The following PXN variants were observed in gnomAD, a reference collection of about 807,000 sequenced individuals.
PXN encodes the protein paxillin.
Under a neutral mutation model 103.6 loss-of-function variants are expected in PXN, and 61 were observed. That is an observed-to-expected ratio of 0.59 (90% CI 0.48 to 0.73). PXN has a LOEUF of 0.73. PXN is among the 30% of genes least tolerant of loss of function. The pLI, the probability that PXN is intolerant of heterozygous loss-of-function variation, is 0.00. For synonymous variants in PXN, 562 were observed against 607.8 expected (o/e 0.92, Z 1.11); for missense variants, 1,274 against 1,460.3 (o/e 0.87, Z 2.08).
rs1175097305 is a variant in PXN at position 120,213,813 on chromosome 12, C to T, written c.2979+29G>A. The T allele has an allele frequency of 1.2e-6, 2 of 1,600,780 alleles. No homozygotes were observed. Among genetic ancestry groups the T allele is most frequent in the African/African-American group, 2.7e-5 (2 of 74,734 alleles). Reference sequence around the variant, plus strand: ...TCTCTCCCCACTGCCTGCTCCTCGCCCCTCCAGATGTGGTCAGGGGCTCCT... The same window carrying T: ...TCTCTCCCCACTGCCTGCTCCTCGCTCCTCCAGATGTGGTCAGGGGCTCCT... On this transcript the variant is annotated intron_variant, in intron 14 of 14. Transcript: ENST00000637617. The surrounding 1 kb of genome is among the most constrained non-coding windows in gnomAD (Gnocchi z 4.2).
At chr12:120,236,757 G>C (rs1052812432) in intron 1 of PXN, among the ~76,000 whole-genome samples, 12 of 152,010 alleles carry the variant, frequency 7.9e-5, no homozygotes, top group Non-Finnish European at 1.8e-4. Context: ...TTACAGGTGT[G>C]AGCCACTGTG....
intron 1 of PXN, among the ~76,000 whole-genome samples, chr12:120,241,366 G>A (rs903739045): frequency 6.6e-6 from 1 of 152,172 alleles, no homozygotes; most frequent in Admixed American, 6.5e-5. Flanking sequence ...CCCAGTTCAG[G>A]AGGCACAAAA....
In PXN at chr12:120,242,506, A is replaced by G. The variant is rs567315596; in HGVS notation, c.14-18129T>C. Among the ~76,000 whole-genome samples, 446 of 152,312 alleles carry G rather than the reference A, an allele frequency of 2.9e-3. 1 individual carries two copies. The highest frequency in any genetic ancestry group is 0.01 in the African/African-American group (430 of 41,576). ...GCCAGAGGGCCCAGGACACAATCTC[A>G]GGCCTCAAACCCTCATGGAAATGCC... On this transcript the variant is annotated intron_variant, in intron 1 of 14. Transcript: ENST00000637617.
chr12:120,216,805 C>T lies in PXN; in HGVS notation c.1992+36G>A. The T allele has an allele frequency of 6.4e-7, 1 of 1,564,506 alleles. No individual in the cohort carries two copies. Among genetic ancestry groups the T allele is most frequent in the Non-Finnish European group, 8.6e-7 (1 of 1,168,372 alleles). ...GAACCCGGACCCCAGGTGCTTGGCT[C>T]TGGCCCAGCCCCAGCCATGGGCATC... On this transcript the variant is annotated intron_variant, in intron 8 of 14. Transcript: ENST00000637617. The surrounding 1 kb of genome is among the most constrained non-coding windows in gnomAD (Gnocchi z 5.1).
At position 120,224,036 on chromosome 12, in the gene PXN, G is replaced by A. The variant is rs530656289; in HGVS notation, c.240+115C>T. ...GAGTGGGAAGAGCAGTGTCTGGTTGGGAAGGGTCGACTGCCCCAATTCCAT... is the reference window on the plus strand; with the variant it reads ...GAGTGGGAAGAGCAGTGTCTGGTTGAGAAGGGTCGACTGCCCCAATTCCAT... On this transcript the variant is annotated intron_variant, in intron 2 of 14. Transcript: ENST00000637617. The surrounding 1 kb of genome is among the most constrained non-coding windows in gnomAD (Gnocchi z 5.0). 7 of 902,678 alleles carry A rather than the reference G, an allele frequency of 7.8e-6. No individual in the cohort carries two copies. In the African/African-American group the frequency reaches 8.4e-5, roughly 11 times the overall value. 55.9% of individuals were successfully genotyped at this position (902,678 alleles called of 1,614,324 possible).
intron 1 of PXN, among the ~76,000 whole-genome samples, chr12:120,239,462 G>C (rs983915940): frequency 6.6e-6 from 1 of 152,024 alleles, no homozygotes; most frequent in East Asian, 1.9e-4. Context: ...CATGCCTGTA[G>C]TCCCAGCTAC....
chr12:120,221,668 G>A lies in PXN; in HGVS notation c.786C>T (p.Ala262=), dbSNP rs1354924906. Residue 262 remains alanine, a synonymous_variant, in exon 6 of 15, where the codon GCC becomes GCT. Coordinates refer to ENST00000637617, the MANE Select transcript of PXN (RefSeq NM_001385981.1). The surrounding 1 kb of genome is among the most constrained non-coding windows in gnomAD (Gnocchi z 6.6). ...QQQTRISASS[A]TRELDELMAS... is the part of the protein sequence containing the mutation. ...CCATCAGCTCGTCCAGCTCCCTGGTGGCAGAGGAGGCCGAGATGCGTGTCT... is the reference window on the plus strand; with the variant it reads ...CCATCAGCTCGTCCAGCTCCCTGGTAGCAGAGGAGGCCGAGATGCGTGTCT... 4 of 1,563,826 alleles carry A rather than the reference G, an allele frequency of 2.6e-6. No homozygotes were observed. The highest frequency in any genetic ancestry group is 1.7e-6 in the Non-Finnish European group (2 of 1,154,380).
rs1322707885 is a variant in PXN at position 120,221,816 on chromosome 12, G to T, written c.696-58C>A. On this transcript the variant is annotated intron_variant, in intron 5 of 14. Transcript: ENST00000637617. The surrounding 1 kb of genome is among the most constrained non-coding windows in gnomAD (Gnocchi z 6.6). ...CACAGTCAGCCCCACACTTCCCGGG[G>T]ATCAGATCGACCTCTCACCTCGGAC... is the stretch of plus-strand genomic sequence containing the variant. 2.0e-6 allele frequency: 3 copies of T among 1,501,068 alleles called. No homozygotes were observed. The highest frequency in any genetic ancestry group is 2.7e-6 in the Non-Finnish European group (3 of 1,121,744). 93.0% of individuals were successfully genotyped at this position (1,501,068 alleles called of 1,614,324 possible).
chr12:120,230,634 C>G (rs1050812617), intron 1 of PXN, among the ~76,000 whole-genome samples: 5 of 152,046 alleles, frequency 3.3e-5, no homozygotes, highest in African/African-American at 9.7e-5. Context: ...CCCCCCTCCC[C>G]CTGGCTCCAA....
chr12:120,241,797 C>T (rs924596481), intron 1 of PXN, among the ~76,000 whole-genome samples: 5 of 152,160 alleles, frequency 3.3e-5, no homozygotes, highest in African/African-American at 7.2e-5. Context: ...CTTACAAGGG[C>T]AAGCCACAGA....
chr12:120,261,880 A>G (rs186663808), intron 1 of PXN, among the ~76,000 whole-genome samples: 7 of 152,340 alleles, frequency 4.6e-5, no homozygotes, highest in African/African-American at 1.7e-4. Context: ...CACATATCAG[A>G]AAGTGTACCC....
At chr12:120,262,681 G>A (rs1894056278) in intron 1 of PXN, among the ~76,000 whole-genome samples, 1 of 152,152 alleles carries the variant, frequency 6.6e-6, no homozygotes, top group Non-Finnish European at 1.5e-5. Context: ...CCCCCACCAA[G>A]TACACTGAGA....
intron 1 of PXN, among the ~76,000 whole-genome samples, chr12:120,238,956 T>C (rs958189790): frequency 5.3e-5 from 8 of 152,200 alleles, no homozygotes; most frequent in East Asian, 1.9e-4. Flanking sequence ...CCCTAACTAC[T>C]GTACTGCAAC....
chr12:120,214,968 G>A lies in PXN; in HGVS notation c.2605C>T (p.Pro869Ser), dbSNP rs780888877. The A allele has an allele frequency of 2.3e-5, 37 of 1,613,782 alleles. No individual in the cohort carries two copies. Among genetic ancestry groups the A allele is most frequent in the South Asian group, 4.4e-5 (4 of 91,078 alleles). ...CAGTGGGTGCAGACGAAGTGCTCGGGGTGCCACGTCTTCCCCATGGCGGTC... is the reference window on the plus strand; with the variant it reads ...CAGTGGGTGCAGACGAAGTGCTCGGAGTGCCACGTCTTCCCCATGGCGGTC... Reference protein sequence around the residue: ...VVTAMGKTWHPEHFVCTHCQE... With the variant: ...VVTAMGKTWHSEHFVCTHCQE... Residue 869 changes from proline to serine, a missense_variant, in exon 12 of 15, where the codon CCC (proline) becomes TCC (serine). Physicochemically the swap from Pro to Ser is moderately conservative, Grantham distance 74. Coordinates refer to ENST00000637617, the MANE Select transcript of PXN (RefSeq NM_001385981.1). The surrounding 1 kb of genome is among the most constrained non-coding windows in gnomAD (Gnocchi z 5.0).
chr12:120,216,784 C>T lies in PXN; in HGVS notation c.1992+57G>A. 6.3e-7 allele frequency: 1 copy of T among 1,582,992 alleles called. No homozygotes were observed. The highest frequency in any genetic ancestry group is 1.1e-5 in the South Asian group (1 of 89,074). On this transcript the variant is annotated intron_variant, in intron 8 of 14. Coordinates refer to ENST00000637617, the MANE Select transcript of PXN (RefSeq NM_001385981.1). The surrounding 1 kb of genome is among the most constrained non-coding windows in gnomAD (Gnocchi z 5.1). The stretch of plus-strand genomic sequence containing the variant: ...GCCAGCACTGGGGCCAGGGAAGAAC[C>T]CGGACCCCAGGTGCTTGGCTCTGGC...
Position 120,214,815 on chromosome 12 carries a change from A to G in PXN, c.2748+10T>C. On this transcript the variant is annotated intron_variant, in intron 12 of 14. Transcript: ENST00000637617. The surrounding 1 kb of genome is among the most constrained non-coding windows in gnomAD (Gnocchi z 5.0). ...GCGGAAGCGGGCGCGGTGCCGGATG[A>G]GGAACTCACATCCAGGATGGGGCCG... 6.2e-7 allele frequency: 1 copy of G among 1,613,556 alleles called. No homozygotes were observed. The highest frequency in any genetic ancestry group is 8.5e-7 in the Non-Finnish European group (1 of 1,179,524).
chr12:120,249,736 C>T (rs1386538522), intron 1 of PXN: 2 of 607,266 alleles, frequency 3.3e-6, no homozygotes, highest in Non-Finnish European at 4.1e-6. Flanking sequence ...CTCCAAAGAC[C>T]AGACAAAAAG....
At chr12:120,239,927 C>CT (rs1407377098) in intron 1 of PXN, among the ~76,000 whole-genome samples, 4,258 of 136,216 alleles carry the variant, frequency 0.031, 108 homozygotes, top group Non-Finnish European at 0.042. Context: ...ATCTAGCTCC[C>CT]TTTTTTTTTT....
In PXN at chr12:120,224,958, G is replaced by C. The variant is rs1434777635; in HGVS notation, c.14-581C>G. On this transcript the variant is annotated intron_variant, in intron 1 of 14. Transcript: ENST00000637617. The surrounding 1 kb of genome is among the most constrained non-coding windows in gnomAD (Gnocchi z 5.0). ...GGGGTAAGGTGTGCGGGGAGGTGGG[G>C]GCTGGAGTGAGGCTGGTGCAGCGGT... 5.8e-6 allele frequency: 2 copies of C among 347,528 alleles called. No homozygotes were observed. Among genetic ancestry groups the C allele is most frequent in the Non-Finnish European group, 1.1e-5 (2 of 174,306 alleles). The allele number at this position is 347,528 out of a possible 1,614,324, so 21.5% of individuals were successfully genotyped here. A position where few individuals can be genotyped will look rare whatever the true frequency, so the allele number is the denominator to read the frequency against.
Sources: allele counts gnomAD v4.1 joint callset (sites outside exome capture counted in the v4.1 genomes callset), GRCh38; gene constraint gnomAD v4.1.1; non-coding constraint Gnocchi (gnomAD v3.1); transcripts MANE v1.5; gene names NCBI Gene and HGNC (gene_info 2026-07-23, HGNC 2026-07-21).